The following SLMAP variants were observed in gnomAD, a reference collection of about 807,000 sequenced individuals.
SLMAP encodes sarcolemmal membrane-associated protein.
A neutral mutation model predicts 128.8 loss-of-function variants in SLMAP; 44 were observed. The ratio of observed to expected loss-of-function variants is 0.34; its 90% CI spans 0.27 to 0.44. The LOEUF (loss-of-function observed/expected upper bound fraction) is 0.44, where lower values mean the gene tolerates loss of function less well. SLMAP is among the 20% of genes least tolerant of loss of function. SLMAP has a pLI of 1.00. For synonymous variants in SLMAP, 327 were observed against 348.8 expected, an observed-to-expected ratio of 0.94 and a Z score of 0.70; for missense variants, 787 against 985.3, an observed-to-expected ratio of 0.80 and a Z score of 2.69.
At chr3:57,854,504 A>T (rs2094676034) in intron 6 of SLMAP, among the ~76,000 whole-genome samples, 1 of 152,154 alleles carries the variant, frequency 6.6e-6, no homozygotes, top group East Asian at 1.9e-4. Flanking sequence ...AGGCTGAGGC[A>T]TGAGAATTGC....
chr3:57,842,096 A>G (rs964639048), intron 4 of SLMAP, among the ~76,000 whole-genome samples: 2 of 152,160 alleles, frequency 1.3e-5, no homozygotes, highest in African/African-American at 4.8e-5. Context: ...CTGTCTTTCA[A>G]AAACAGAGAC....
At chr3:57,805,489 A>C (rs1217639487) in intron 2 of SLMAP, among the ~76,000 whole-genome samples, 1 of 152,212 alleles carries the variant, frequency 6.6e-6, no homozygotes, top group African/African-American at 2.4e-5. Context: ...CAGGCTACCA[A>C]CTGCTGCCTT....
At chr3:57,774,072 A>G (rs1476316460) in intron 2 of SLMAP, among the ~76,000 whole-genome samples, 2 of 152,190 alleles carry the variant, frequency 1.3e-5, no homozygotes, top group Non-Finnish European at 2.9e-5. Context: ...AATGATAGAA[A>G]CTGCTTCAGA....
chr3:57,889,257 G>A (rs1295302483), intron 14 of SLMAP, among the ~76,000 whole-genome samples: 2 of 152,212 alleles, frequency 1.3e-5, no homozygotes, highest in African/African-American at 4.8e-5. Flanking sequence ...TGAAAATTAA[G>A]AAAAGGAGCC....
At chr3:57,796,459 G>A (rs1231544996) in intron 2 of SLMAP, among the ~76,000 whole-genome samples, 1 of 152,112 alleles carries the variant, frequency 6.6e-6, no homozygotes, top group Non-Finnish European at 1.5e-5. Flanking sequence ...GCTGATTTTG[G>A]ACAAGTCACT....
chr3:57,858,188 G>T lies in SLMAP; in HGVS notation c.687+29G>T, dbSNP rs779108333. The T allele has an allele frequency of 2.4e-6, 3 of 1,233,622 alleles. No individual in the cohort carries two copies. The South Asian group carries it at 3.7e-5, about 15-fold the overall frequency. 76.4% of individuals were successfully genotyped at this position (1,233,622 alleles called of 1,614,324 possible). A position where few individuals can be genotyped will look rare whatever the true frequency, so the allele number is the denominator to read the frequency against. On this transcript the variant is annotated intron_variant, in intron 8 of 24. Coordinates refer to ENST00000671191, the MANE Select transcript of SLMAP (RefSeq NM_001377540.1). Reference sequence around the variant, plus strand: ...GGTATTAACCTCAAATGTGTAAAATGAAATGCATAGTTTTTTATGTAACAT... The same window carrying T: ...GGTATTAACCTCAAATGTGTAAAATTAAATGCATAGTTTTTTATGTAACAT...
At chr3:57,813,342 C>G (rs184104484) in intron 2 of SLMAP, among the ~76,000 whole-genome samples, 1 of 152,144 alleles carries the variant, frequency 6.6e-6, no homozygotes, top group Non-Finnish European at 1.5e-5. Flanking sequence ...GAGATCCTCC[C>G]GCCTTGGCTT....
chr3:57,856,044 G>A (rs1159670195), intron 6 of SLMAP, among the ~76,000 whole-genome samples: 5 of 148,596 alleles, frequency 3.4e-5, no homozygotes, highest in African/African-American at 9.9e-5. Flanking sequence ...CTTCGTCTCA[G>A]AAAAAGAAAA....
At chr3:57,793,618 A>C (rs541126597) in intron 2 of SLMAP, among the ~76,000 whole-genome samples, 1 of 152,346 alleles carries the variant, frequency 6.6e-6, no homozygotes, top group East Asian at 1.9e-4. Flanking sequence ...CAATACTTTC[A>C]TACATTTCCA....
intron 2 of SLMAP, among the ~76,000 whole-genome samples, chr3:57,767,511 T>G (rs1409648278): frequency 1.3e-5 from 2 of 152,272 alleles, no homozygotes; most frequent in Non-Finnish European, 2.9e-5. Flanking sequence ...AACATTTTGC[T>G]AAGTGTTTTT....
At chr3:57,823,299 C>T (rs2092672635) in intron 2 of SLMAP, among the ~76,000 whole-genome samples, 1 of 151,902 alleles carries the variant, frequency 6.6e-6, no homozygotes, top group African/African-American at 2.4e-5. Flanking sequence ...ATACATGTGC[C>T]ATGTTGGTGT....
At chr3:57,851,583 C>T (rs1481679855) in intron 6 of SLMAP, among the ~76,000 whole-genome samples, 2 of 151,876 alleles carry the variant, frequency 1.3e-5, no homozygotes, top group African/African-American at 2.4e-5. Flanking sequence ...AGCAGTTCTC[C>T]TGCCCCAGTC....
At chr3:57,873,339 C>T (rs566428302) in intron 14 of SLMAP, among the ~76,000 whole-genome samples, 3 of 152,022 alleles carry the variant, frequency 2.0e-5, no homozygotes, top group African/African-American at 7.2e-5. Context: ...CCCATCTCTA[C>T]TAATAATACA....
intron 2 of SLMAP, among the ~76,000 whole-genome samples, chr3:57,779,129 A>G (rs1157999668): frequency 2.0e-5 from 3 of 152,218 alleles, no homozygotes; most frequent in African/African-American, 7.2e-5. Flanking sequence ...AGCTGCATAT[A>G]TCAATGCAGA....
intron 2 of SLMAP, among the ~76,000 whole-genome samples, chr3:57,783,711 G>A (rs1465901355): frequency 6.6e-6 from 1 of 152,146 alleles, no homozygotes; most frequent in Non-Finnish European, 1.5e-5. Flanking sequence ...GGATAGGAGG[G>A]AGCCAAGTAC....
At chr3:57,796,233 A>G (rs1038116133) in intron 2 of SLMAP, among the ~76,000 whole-genome samples, 1 of 152,184 alleles carries the variant, frequency 6.6e-6, no homozygotes, top group Non-Finnish European at 1.5e-5. Context: ...GTTGTTGTTA[A>G]GATCAGAATA....
At chr3:57,862,638 CAAAAAAAAAA>C (rs752561093) in intron 10 of SLMAP, among the ~76,000 whole-genome samples, 2 of 96,412 alleles carry the variant, frequency 2.1e-5, no homozygotes, top group African/African-American at 8.3e-5. Context: ...CTTCGTCTCA[CAAAAAAAAAA>C]AAAAAAAAAA....
chr3:57,890,083 A>G lies in SLMAP; in HGVS notation c.1343A>G (p.Glu448Gly), dbSNP rs755917730. The G allele has an allele frequency of 1.2e-6, 2 of 1,613,928 alleles. No individual in the cohort carries two copies. The highest frequency in any genetic ancestry group is 2.7e-5 in the African/African-American group (2 of 74,916). The change falls in exon 15 of 25, where the codon GAA (glutamate) becomes GGA (glycine). Residue 448 changes from glutamate (E) to glycine (G), a missense_variant. Glu to Gly is a moderately conservative substitution (Grantham distance 98). This residue lies in a region of SLMAP where 715 missense variants were observed against 843.6 expected (regional missense o/e 0.85). Transcript: ENST00000671191. ...GGGCATCTAACCAAAGCGGTAGAAG[A>G]AACAAAGCTTTCAAAAGGTTTGTTT... ...VEGHLTKAVE[E>G]TKLSKENQTR...
At chr3:57,849,529 T>C (rs1228181566) in intron 5 of SLMAP, among the ~76,000 whole-genome samples, 2 of 152,178 alleles carry the variant, frequency 1.3e-5, no homozygotes, top group Non-Finnish European at 2.9e-5. Flanking sequence ...AGGGAAAATA[T>C]GTGGATCTGT....
Sources: gnomAD v4.1 joint callset for allele counts (sites outside exome capture counted in the v4.1 genomes callset) on GRCh38, gnomAD v4.1.1 for gene constraint, gnomAD v4.1.1 regional missense constraint, MANE v1.5 for transcripts, NCBI Gene and HGNC (gene_info 2026-07-23, HGNC 2026-07-21) for gene names.